The following VGLL4 variants were observed in gnomAD, a reference collection of about 807,000 sequenced individuals.
VGLL4 encodes the protein transcription cofactor vestigial-like protein 4.
In VGLL4, 7 loss-of-function variants were observed where a neutral mutation model predicts 21.0. The observed-to-expected ratio is 0.33, with a 90% confidence interval of 0.19 to 0.63. VGLL4 has a LOEUF of 0.63. Ranked by LOEUF, VGLL4 falls within the 20% of genes least tolerant of loss-of-function variation. The pLI is 0.78. For missense variants in VGLL4, 394 were observed against 425.7 expected (o/e 0.93, Z 0.66); for synonymous variants, 222 against 173.2 (o/e 1.28, Z -2.21).
intron 4 of VGLL4, 27 bp from the exon 5 acceptor site, chr3:11,558,854 TCAGACACAGGTGGCTGCAGA>T: frequency 6.2e-7 from 1 of 1,606,608 alleles, no homozygotes; most frequent in Non-Finnish European, 8.5e-7. Flanking sequence ...AGGCAGGCAG[TCAGACACAGGTGGCTGCAGA>T]CAGACAGGCA....
At chr3:11,682,718 G>A (rs868616836) in intron 2 of VGLL4, among the ~76,000 whole-genome samples, 6 of 151,820 alleles carry the variant, frequency 4.0e-5, no homozygotes, top group African/African-American at 9.7e-5. Context: ...GTTTAATAAC[G>A]GACAGTTTAG....
At chr3:11,603,961 A>G (rs983714008) in intron 1 of VGLL4, among the ~76,000 whole-genome samples, 16 of 152,202 alleles carry the variant, frequency 1.1e-4, no homozygotes, top group Non-Finnish European at 2.4e-4. Context: ...CCTAGTAAAA[A>G]TTCTCGTGCT....
intron 1 of VGLL4, among the ~76,000 whole-genome samples, chr3:11,621,707 T>C (rs1294848131): frequency 6.6e-6 from 1 of 152,194 alleles, no homozygotes. Flanking sequence ...GGTCAAATGG[T>C]AACTCTATGT....
chr3:11,681,617 G>GA (rs369241167), intron 2 of VGLL4, among the ~76,000 whole-genome samples: 1 of 152,046 alleles, frequency 6.6e-6, no homozygotes, highest in African/African-American at 2.4e-5. Flanking sequence ...CTATTAGGAT[G>GA]AAAAAAATGT....
chr3:11,579,023 C>A (rs1228359847), intron 2 of VGLL4, among the ~76,000 whole-genome samples: 3 of 152,092 alleles, frequency 2.0e-5, no homozygotes, highest in Non-Finnish European at 2.9e-5. Flanking sequence ...GCTGGGATTA[C>A]AGGCGTGAGC....
Position 11,642,006 on chromosome 3 carries a change from G to A in VGLL4, c.82+1431C>T, listed in dbSNP as rs114902775. On this transcript the variant is annotated intron_variant, in intron 1 of 4. Transcript: ENST00000430365. ...CTCAGAAGTTTTTCTTTCTTGTTGG[G>A]GGAAGCGGGGATGGTTAAAAAAAAA... 5.0e-3 allele frequency among the ~76,000 whole-genome samples: 761 copies of A among 150,916 alleles called. 10 individuals carry two copies. The highest frequency in any genetic ancestry group is 0.018 in the African/African-American group (718 of 40,670).
Position 11,661,546 on chromosome 3 carries a change from C to T in VGLL4, c.64+41425G>A, listed in dbSNP as rs372509214. 5.5e-4 allele frequency among the ~76,000 whole-genome samples: 84 copies of T among 152,038 alleles called. 1 individual carries two copies. Among genetic ancestry groups the T allele is most frequent in the African/African-American group, 1.9e-3 (79 of 41,456 alleles). ...AGTGCAGTGGCATGATCCTGGCTCA[C>T]TGCAACCTTTGCCTCCTGGGTTCAA... On this transcript the variant is annotated intron_variant, in intron 2 of 5. Transcript: ENST00000273038.
At chr3:11,572,712 C>T (rs545390602) in intron 2 of VGLL4, among the ~76,000 whole-genome samples, 1 of 152,316 alleles carries the variant, frequency 6.6e-6, no homozygotes, top group South Asian at 2.1e-4. Context: ...GTCTTTCCCT[C>T]ATGTTGGTCT....
Position 11,557,721 on chromosome 3 carries a change from ATTTT to A in VGLL4, c.*831_*834del, listed in dbSNP as rs1052558967. 1 of 152,774 alleles carries A rather than the reference ATTTT, an allele frequency of 6.5e-6. No individual in the cohort carries two copies. The highest frequency in any genetic ancestry group is 2.4e-5 in the African/African-American group (1 of 41,460). The allele number at this position is 152,774 out of a possible 1,614,324, so 9.5% of individuals were successfully genotyped here. ...TCTATATAATTAATAGAAACCAGCT[ATTTT>A]TTCTCCATTAAAACATGCATCACGT... On this transcript the variant is annotated 3_prime_UTR_variant, in exon 5 of 5. Transcript: ENST00000430365.
chr3:11,608,372 TTAAC>T (rs2074991740), intron 1 of VGLL4, among the ~76,000 whole-genome samples: 1 of 152,148 alleles, frequency 6.6e-6, no homozygotes, highest in Non-Finnish European at 1.5e-5. Flanking sequence ...ATATACAAAA[TTAAC>T]TCCTGTGGTT....
intron 1 of VGLL4, among the ~76,000 whole-genome samples, chr3:11,605,965 G>A (rs1426909505): frequency 6.6e-6 from 1 of 152,218 alleles, no homozygotes; most frequent in Non-Finnish European, 1.5e-5. Flanking sequence ...TAAGCACATG[G>A]AAAGATGTTG....
intron 1 of VGLL4, among the ~76,000 whole-genome samples, chr3:11,613,287 ATTCT>A: frequency 6.6e-6 from 1 of 152,272 alleles, no homozygotes; most frequent in Middle Eastern, 3.4e-3. Flanking sequence ...TTTTCAAGAC[ATTCT>A]TTAATTGGAG....
At chr3:11,647,427 C>CT (rs1235579200), upstream of VGLL4, among the ~76,000 whole-genome samples, 2 of 152,284 alleles carry the variant, frequency 1.3e-5, no homozygotes, top group Non-Finnish European at 2.9e-5. Context: ...CCAAGCTATC[C>CT]TTTTACAGGG....
At chr3:11,673,285 T>C (rs564598983) in intron 2 of VGLL4, among the ~76,000 whole-genome samples, 31 of 151,904 alleles carry the variant, frequency 2.0e-4, no homozygotes, top group Admixed American at 4.6e-4. Flanking sequence ...AATTACAGTA[T>C]CCATAAAACA....
intron 1 of VGLL4, among the ~76,000 whole-genome samples, chr3:11,707,201 GC>G (rs1406165469): frequency 1.3e-5 from 2 of 151,752 alleles, no homozygotes; most frequent in African/African-American, 4.8e-5. Context: ...GGTGGCATGG[GC>G]CTATGGTCCC....
intron 2 of VGLL4, among the ~76,000 whole-genome samples, chr3:11,686,359 C>A (rs892860006): frequency 2.6e-5 from 4 of 152,170 alleles, no homozygotes; most frequent in Admixed American, 2.0e-4. Flanking sequence ...ATACATGCTA[C>A]AATATGGATG....
rs115400713 is a variant in VGLL4, at chr3:11,589,762, C to T, written c.272+12071G>A. On this transcript the variant is annotated intron_variant, in intron 2 of 4. Transcript: ENST00000430365. Reference sequence around the variant, plus strand: ...GCGCTTTTCCCGGCCTAGAGACAGCCGCCTTCTTGCTGTGTCCTTATGTGG... The same window carrying T: ...GCGCTTTTCCCGGCCTAGAGACAGCTGCCTTCTTGCTGTGTCCTTATGTGG... Among the ~76,000 whole-genome samples the T allele has an allele frequency of 1.6e-3, 237 of 152,296 alleles. 1 individual carries two copies. Among genetic ancestry groups the T allele is most frequent in the African/African-American group, 5.5e-3 (229 of 41,566 alleles).
chr3:11,659,119 A>G (rs933556901), intron 2 of VGLL4, among the ~76,000 whole-genome samples: 1 of 152,136 alleles, frequency 6.6e-6, no homozygotes, highest in African/African-American at 2.4e-5. Flanking sequence ...CATTCAAACA[A>G]CATGAATAGA....
upstream of VGLL4, chr3:11,644,060 G>T (rs575149459): frequency 1.8e-5 from 17 of 921,816 alleles, no homozygotes; most frequent in East Asian, 9.4e-4. Flanking sequence ...AGAAAGGGGA[G>T]GGGGAGAGAC....
Sources: allele counts gnomAD v4.1 joint callset (sites outside exome capture counted in the v4.1 genomes callset), GRCh38; gene constraint gnomAD v4.1.1; transcripts MANE v1.5; gene names NCBI Gene and HGNC (gene_info 2026-07-23, HGNC 2026-07-21).